The following SPPL3 variants were observed in gnomAD, a reference collection of about 807,000 sequenced individuals.
SPPL3 encodes signal peptide peptidase-like 3.
Under a neutral mutation model 42.4 loss-of-function variants are expected in SPPL3, and 5 were observed. The observed-to-expected ratio is 0.12, with a 90% CI of 0.06 to 0.25. The LOEUF is 0.25. Among genes scored for constraint, SPPL3 ranks in the 10% least tolerant of loss-of-function variants. SPPL3 has a pLI of 1.00. For missense variants in SPPL3, 235 were observed against 489.0 expected (o/e 0.48, Z 4.90); for synonymous variants, 195 against 181.8 (o/e 1.07, Z -0.58).
chr12:120,837,494 A>G (rs756555769), intron 1 of SPPL3, among the ~76,000 whole-genome samples: 1 of 152,188 alleles, frequency 6.6e-6, no homozygotes, highest in Non-Finnish European at 1.5e-5. Flanking sequence ...CTGAATCCAA[A>G]TTGGTATTTA....
At chr12:120,800,767 A>C (rs189558221) in intron 2 of SPPL3, among the ~76,000 whole-genome samples, 16 of 152,324 alleles carry the variant, frequency 1.1e-4, no homozygotes, top group East Asian at 5.8e-4. Flanking sequence ...CTAAGAAAGA[A>C]AGACTAAGAA....
intron 10 of SPPL3, 123 bp downstream of exon 10, chr12:120,766,139 CA>C: frequency 1.5e-6 from 1 of 684,452 alleles, no homozygotes. Flanking sequence ...CACACACACA[CA>C]CAGTCGAGAT....
chr12:120,780,302 A>G (rs1442895412), intron 6 of SPPL3, among the ~76,000 whole-genome samples: 2 of 151,222 alleles, frequency 1.3e-5, no homozygotes, highest in Non-Finnish European at 3.0e-5. Flanking sequence ...CTATAAAATA[A>G]TAATAAAAAA....
In SPPL3 at chr12:120,766,118, A is replaced by G. The variant is rs773867388; in HGVS notation, c.1083+145T>C. 2.1e-4 allele frequency: 75 copies of G among 358,356 alleles called. 1 individual carries two copies. Among genetic ancestry groups the G allele is most frequent in the African/African-American group, 5.1e-4 (24 of 46,630 alleles). 22.2% of individuals were successfully genotyped at this position (358,356 alleles called of 1,614,324 possible). A position where few individuals can be genotyped will look rare whatever the true frequency, so the allele number is the denominator to read the frequency against. ...CGCGCGCGCACACACACACACACAC[A>G]CACACACACACACACACACACACAG... On this transcript the variant is annotated intron_variant, in intron 10 of 10. Coordinates refer to ENST00000353487, the MANE Select transcript of SPPL3 (RefSeq NM_139015.5).
chr12:120,843,258 A>G (rs1266777116), intron 1 of SPPL3, among the ~76,000 whole-genome samples: 1 of 152,196 alleles, frequency 6.6e-6, no homozygotes, highest in African/African-American at 2.4e-5. Context: ...TGTCTTAGAA[A>G]ACACAATTAC....
chr12:120,876,988 G>A (rs1168505726), intron 1 of SPPL3, among the ~76,000 whole-genome samples: 1 of 151,482 alleles, frequency 6.6e-6, no homozygotes, highest in Non-Finnish European at 1.5e-5. Flanking sequence ...GAGAAAGGGA[G>A]AAGTACAAAT....
At chr12:120,842,191 A>G (rs544512417) in intron 1 of SPPL3, among the ~76,000 whole-genome samples, 125 of 152,342 alleles carry the variant, frequency 8.2e-4, no homozygotes, top group Non-Finnish European at 1.3e-3. Flanking sequence ...TCATGCATAG[A>G]AAGTTGGCAT....
intron 2 of SPPL3, among the ~76,000 whole-genome samples, chr12:120,809,616 C>T (rs1472414640): frequency 6.6e-6 from 1 of 152,176 alleles, no homozygotes; most frequent in East Asian, 1.9e-4. Context: ...TTGAGTTATA[C>T]AACCATTAAA....
chr12:120,846,948 C>A (rs1421328309), intron 1 of SPPL3, among the ~76,000 whole-genome samples: 1 of 152,156 alleles, frequency 6.6e-6, no homozygotes, highest in Non-Finnish European at 1.5e-5. Flanking sequence ...ACAGCAAACT[C>A]TGTGGTTAAG....
intron 1 of SPPL3, among the ~76,000 whole-genome samples, chr12:120,865,840 G>GC (rs1211410787): frequency 6.6e-6 from 1 of 152,212 alleles, no homozygotes; most frequent in Non-Finnish European, 1.5e-5. Context: ...AGACAGGCAG[G>GC]CAAGTGAGCA....
chr12:120,829,959 A>C (rs187723879), intron 1 of SPPL3, among the ~76,000 whole-genome samples: 4 of 149,928 alleles, frequency 2.7e-5, no homozygotes, highest in Non-Finnish European at 5.9e-5. Context: ...GCACCATTGC[A>C]CTCCAGGCTG....
intron 1 of SPPL3, among the ~76,000 whole-genome samples, chr12:120,817,567 C>T (rs563643520): frequency 6.6e-6 from 1 of 152,274 alleles, no homozygotes; most frequent in South Asian, 2.1e-4. Flanking sequence ...TGGGTAGCAA[C>T]TCTGGTTCGT....
intron 1 of SPPL3, among the ~76,000 whole-genome samples, chr12:120,902,125 G>C (rs879385211): frequency 8.5e-5 from 13 of 152,090 alleles, no homozygotes; most frequent in Admixed American, 7.9e-4. Flanking sequence ...TGTTCCCTAC[G>C]ACCTGCTACT....
chr12:120,880,798 A>G (rs1273067656), intron 1 of SPPL3, among the ~76,000 whole-genome samples: 1 of 151,916 alleles, frequency 6.6e-6, no homozygotes, highest in East Asian at 1.9e-4. Context: ...GGGGAAAAAA[A>G]AATTATTTGC....
intron 1 of SPPL3, among the ~76,000 whole-genome samples, chr12:120,812,265 G>T (rs1870710266): frequency 6.6e-6 from 1 of 151,984 alleles, no homozygotes; most frequent in Non-Finnish European, 1.5e-5. Context: ...CTCTCGAGTA[G>T]CTGGGATTAC....
At chr12:120,868,257 G>A (rs1872817302) in intron 1 of SPPL3, among the ~76,000 whole-genome samples, 1 of 150,860 alleles carries the variant, frequency 6.6e-6, no homozygotes, top group African/African-American at 2.4e-5. Flanking sequence ...CCCTGTCACT[G>A]CAAAATAAAA....
intron 6 of SPPL3, among the ~76,000 whole-genome samples, chr12:120,776,705 T>C (rs1455319264): frequency 6.6e-6 from 1 of 152,182 alleles, no homozygotes; most frequent in East Asian, 1.9e-4. Flanking sequence ...CTCATCTTTT[T>C]TGGGTCAGCG....
chr12:120,804,937 A>C (rs1436472037), intron 2 of SPPL3, among the ~76,000 whole-genome samples: 1 of 152,204 alleles, frequency 6.6e-6, no homozygotes, highest in Non-Finnish European at 1.5e-5. Context: ...AACACAGATA[A>C]ACTTCAAAAA....
chr12:120,898,313 TTAAAAAAA>T (rs1472617240), intron 1 of SPPL3, among the ~76,000 whole-genome samples: 96 of 98,720 alleles, frequency 9.7e-4, no homozygotes, highest in African/African-American at 3.5e-3. Flanking sequence ...TTTTTTTTTT[TTAAAAAAA>T]AAAAAAAAAA....
Sources: allele counts gnomAD v4.1 joint callset (sites outside exome capture counted in the v4.1 genomes callset), GRCh38; gene constraint gnomAD v4.1.1; transcripts MANE v1.5; gene names NCBI Gene and HGNC (gene_info 2026-07-23, HGNC 2026-07-21).